The following LEKR1 variants were observed in gnomAD, a reference collection of about 807,000 sequenced individuals.
LEKR1 encodes leucine, glutamate and lysine rich 1, also known as protein LEKR1.
Under a neutral mutation model 72.4 loss-of-function variants are expected in LEKR1, and 59 were observed. The ratio of observed to expected loss-of-function variants is 0.82; its 90% CI spans 0.66 to 1.01. The LOEUF is 1.01. Among genes scored for constraint, LEKR1 ranks in the 50% least tolerant of loss-of-function variants. The pLI is 0.00. For synonymous variants in LEKR1, 257 were observed against 263.2 expected (o/e 0.98, Z 0.23); for missense variants, 728 against 759.2 (o/e 0.96, Z 0.48).
chr3:156,981,051 G>T (rs1730154421), intron 7 of LEKR1, among the ~76,000 whole-genome samples: 1 of 152,060 alleles, frequency 6.6e-6, no homozygotes, highest in Non-Finnish European at 1.5e-5. Context: ...ACTTACCATT[G>T]TGTTACAATT....
At chr3:156,867,567 TA>T (rs990241956) in intron 3 of LEKR1, among the ~76,000 whole-genome samples, 55 of 152,156 alleles carry the variant, frequency 3.6e-4, no homozygotes, top group African/African-American at 1.3e-3. Context: ...AAATTATTTT[TA>T]TACTTCAAGA....
chr3:156,848,612 A>G (rs552066228), intron 2 of LEKR1, among the ~76,000 whole-genome samples: 1 of 152,180 alleles, frequency 6.6e-6, no homozygotes, highest in Non-Finnish European at 1.5e-5. Context: ...GCTGGTAACA[A>G]AGATAATTGG....
chr3:156,899,346 ATATACATG>A (rs1721578839), intron 3 of LEKR1, among the ~76,000 whole-genome samples: 1 of 136,640 alleles, frequency 7.3e-6, no homozygotes, highest in South Asian at 2.3e-4. Context: ...ATATACACAT[ATATACATG>A]TATATATACA....
chr3:156,977,438 C>T (rs1246959126), intron 6 of LEKR1: 3 of 503,578 alleles, frequency 6.0e-6, no homozygotes, highest in South Asian at 1.5e-5. Flanking sequence ...AATGTCACCC[C>T]CCCTTAATGA....
intron 3 of LEKR1, among the ~76,000 whole-genome samples, chr3:156,872,801 G>A (rs1027480422): frequency 6.6e-6 from 1 of 151,930 alleles, no homozygotes; most frequent in Non-Finnish European, 1.5e-5. Flanking sequence ...TGTGGTTTGA[G>A]ATGATACTTG....
At chr3:157,041,278 G>GGC (rs1735321460) in intron 12 of LEKR1, among the ~76,000 whole-genome samples, 1 of 152,000 alleles carries the variant, frequency 6.6e-6, no homozygotes, top group Admixed American at 6.6e-5. Flanking sequence ...TTGAGATAAG[G>GGC]ACTTCCTCCA....
chr3:156,834,609 C>G (rs1215834309), intron 2 of LEKR1, among the ~76,000 whole-genome samples: 2 of 152,122 alleles, frequency 1.3e-5, no homozygotes, highest in African/African-American at 4.8e-5. Context: ...AACCATGTAT[C>G]AGATTGCAGA....
chr3:156,851,938 C>G (rs1373322851), intron 2 of LEKR1, among the ~76,000 whole-genome samples: 1 of 152,160 alleles, frequency 6.6e-6, no homozygotes, highest in Non-Finnish European at 1.5e-5. Context: ...AAAGAACTAT[C>G]TCCCTTCTGA....
At chr3:156,954,623 C>T (rs1727455509) in intron 6 of LEKR1, among the ~76,000 whole-genome samples, 10 of 151,974 alleles carry the variant, frequency 6.6e-5, no homozygotes, top group Admixed American at 6.6e-4. Context: ...GAATCCTTTC[C>T]CCATTGCTTG....
At chr3:156,969,816 CA>C (rs1213512205) in intron 6 of LEKR1, among the ~76,000 whole-genome samples, 1 of 151,988 alleles carries the variant, frequency 6.6e-6, no homozygotes, top group African/African-American at 2.4e-5. Flanking sequence ...AGAGACACAA[CA>C]AAAAAAGAGA....
chr3:157,025,687 G>T (rs909754116), intron 11 of LEKR1, among the ~76,000 whole-genome samples: 6 of 152,118 alleles, frequency 3.9e-5, no homozygotes, highest in African/African-American at 1.4e-4. Context: ...ACTCAGAAAG[G>T]CTTCATGCTT....
chr3:157,022,754 T>C (rs1427377387), intron 10 of LEKR1, among the ~76,000 whole-genome samples: 8 of 152,178 alleles, frequency 5.3e-5, no homozygotes, highest in African/African-American at 1.9e-4. Context: ...CTTCTTTTTT[T>C]CTGAGTGCCC....
intron 6 of LEKR1, among the ~76,000 whole-genome samples, chr3:156,966,802 G>A (rs1238297281): frequency 6.6e-6 from 1 of 152,142 alleles, no homozygotes; most frequent in African/African-American, 2.4e-5. Context: ...GCACGCAGCT[G>A]GAGATCTGAG....
chr3:156,989,395 T>C (rs985297273), intron 7 of LEKR1, among the ~76,000 whole-genome samples: 4 of 152,214 alleles, frequency 2.6e-5, no homozygotes, highest in Non-Finnish European at 5.9e-5. Context: ...AACTTGAATA[T>C]TTTTAAGGCT....
intron 2 of LEKR1, among the ~76,000 whole-genome samples, chr3:156,847,344 T>C (rs1217855071): frequency 1.3e-5 from 2 of 152,242 alleles, no homozygotes; most frequent in African/African-American, 4.8e-5. Flanking sequence ...TTGTTTAATA[T>C]ATTGCATTTG....
At chr3:156,882,726 A>C (rs1450480533) in intron 3 of LEKR1, among the ~76,000 whole-genome samples, 1 of 152,228 alleles carries the variant, frequency 6.6e-6, no homozygotes, top group African/African-American at 2.4e-5. Context: ...GGCATTATTC[A>C]GAATAGCAAA....
chr3:157,045,248 A>T, intron 12 of LEKR1, 92 bp from the exon 13 acceptor site: 4 of 1,052,992 alleles, frequency 3.8e-6, no homozygotes, highest in Non-Finnish European at 5.5e-6. Flanking sequence ...TCTGATTTCC[A>T]GTTCTGTTCT....
chr3:156,857,217 C>G (rs1716171025), intron 3 of LEKR1, among the ~76,000 whole-genome samples: 1 of 151,978 alleles, frequency 6.6e-6, no homozygotes, highest in East Asian at 1.9e-4. Context: ...GTAAATCATA[C>G]TAATGGATTT....
chr3:156,983,281 G>A (rs9850675), intron 7 of LEKR1, among the ~76,000 whole-genome samples: 48,640 of 152,022 alleles, frequency 0.32, 9,733 homozygotes, highest in East Asian at 0.62. Flanking sequence ...GTGGGCATGG[G>A]ATAGACAGGA....
Sources: gnomAD v4.1 joint callset for allele counts (sites outside exome capture counted in the v4.1 genomes callset) on GRCh38, gnomAD v4.1.1 for gene constraint, MANE v1.5 for transcripts, NCBI Gene and HGNC (gene_info 2026-07-23, HGNC 2026-07-21) for gene names.